The following ZFYVE28 variants were observed in gnomAD, a reference collection of about 807,000 sequenced individuals.
ZFYVE28 encodes the protein lateral signaling target protein 2 homolog.
In ZFYVE28, 40 loss-of-function variants were observed where a neutral mutation model predicts 82.1. The observed-to-expected ratio is 0.49, with a 90% confidence interval of 0.38 to 0.63. ZFYVE28 has a LOEUF of 0.63. Among genes scored for constraint, ZFYVE28 ranks in the 30% least tolerant of loss-of-function variants. The pLI is 0.00. For missense variants in ZFYVE28, 1,321 were observed against 1,242.1 expected (o/e 1.06, Z -0.96); for synonymous variants, 612 against 546.1 (o/e 1.12, Z -1.68).
At chr4:2,330,797 G>T in intron 6 of ZFYVE28, 2 of 1,529,158 alleles carry the variant, frequency 1.3e-6, no homozygotes, top group South Asian at 2.4e-5. Context: ...AGGGGACCCT[G>T]AGCGAAGGGG....
intron 7 of ZFYVE28, among the ~76,000 whole-genome samples, chr4:2,317,923 G>A (rs1413553240): frequency 4.6e-5 from 7 of 152,170 alleles, no homozygotes; most frequent in Non-Finnish European, 7.3e-5. Context: ...ATGAGCCACC[G>A]CGCCGGCCTC....
rs548233720 is a variant in ZFYVE28 at position 2,271,426 on chromosome 4, A to G, written c.2429-12T>C. The G allele has an allele frequency of 8.7e-6, 14 of 1,611,452 alleles. No individual in the cohort carries two copies. In the South Asian group the frequency reaches 1.4e-4, roughly 16 times the overall value. ...CCACTCCGGGGGGTCTGTCACAACA[A>G]CAGCAGCGTCACATCAGCGACGGCA... On this transcript the variant is annotated splice_polypyrimidine_tract_variant and intron_variant, in intron 11 of 12. Coordinates refer to ENST00000290974, the MANE Select transcript of ZFYVE28 (RefSeq NM_020972.3).
intron 1 of ZFYVE28, among the ~76,000 whole-genome samples, chr4:2,399,470 A>G (rs900920958): frequency 6.6e-6 from 1 of 152,176 alleles, no homozygotes; most frequent in Non-Finnish European, 1.5e-5. Flanking sequence ...CATGTCCCCA[A>G]GCCAGCTATA....
chr4:2,373,759 T>G (rs539201933), intron 1 of ZFYVE28, among the ~76,000 whole-genome samples: 1 of 152,328 alleles, frequency 6.6e-6, no homozygotes, highest in African/African-American at 2.4e-5. Context: ...CAGCTCATTC[T>G]AAAAGCTAGA....
Position 2,320,977 on chromosome 4 carries a change from C to G in ZFYVE28, c.702-706G>C, listed in dbSNP as rs551225532. Among the ~76,000 whole-genome samples the G allele has an allele frequency of 6.6e-6, 1 of 152,172 alleles. No homozygotes were observed. Among genetic ancestry groups the G allele is most frequent in the Non-Finnish European group, 1.5e-5 (1 of 68,030 alleles). ...CACCTCCAGTGGCACCCACTCCTCTCCACGCACCGTCCAGCCCTGCCAAGC... is the reference window on the plus strand; with the variant it reads ...CACCTCCAGTGGCACCCACTCCTCTGCACGCACCGTCCAGCCCTGCCAAGC... On this transcript the variant is annotated intron_variant, in intron 6 of 12. Coordinates refer to ENST00000290974, the MANE Select transcript of ZFYVE28 (RefSeq NM_020972.3). The surrounding 1 kb of genome is among the most constrained non-coding windows in gnomAD (Gnocchi z 5.1).
At chr4:2,301,483 A>C (rs922100523) in intron 8 of ZFYVE28, among the ~76,000 whole-genome samples, 1 of 149,804 alleles carries the variant, frequency 6.7e-6, no homozygotes, top group South Asian at 2.1e-4. Flanking sequence ...TGACACCACC[A>C]CCTGGGCTCC....
chr4:2,399,845 T>A (rs1179531637), intron 1 of ZFYVE28, among the ~76,000 whole-genome samples: 1 of 152,236 alleles, frequency 6.6e-6, no homozygotes, highest in Non-Finnish European at 1.5e-5. Flanking sequence ...ACCAGTCACG[T>A]GGGCCACATG....
In ZFYVE28 at chr4:2,305,432, G is replaced by C. The variant is rs746943951; in HGVS notation, c.908C>G (p.Pro303Arg). Residue 303 changes from proline (P) to arginine (R), a missense_variant, in exon 8 of 13, where the codon CCC becomes CGC. By Grantham distance (103) the Pro-to-Arg change is moderately radical. Around this residue, in one of 2 missense-constraint regions of ZFYVE28, gnomAD observed 978 missense variants for 833.7 expected, o/e 1.17. Transcript: ENST00000290974. ...EFPIRADVQG[P>R]AALAPALSAP... The stretch of plus-strand genomic sequence containing the variant: ...AGAGAGGGCAGGCGCCAGGGCAGCG[G>C]GTCCCTGCACGTCTGCGCGGATGGG... 1 of 1,612,892 alleles carries C rather than the reference G, an allele frequency of 6.2e-7. No individual in the cohort carries two copies. The highest frequency in any genetic ancestry group is 1.1e-5 in the South Asian group (1 of 91,082).
At chr4:2,296,477 A>T (rs1183012561) in intron 8 of ZFYVE28, among the ~76,000 whole-genome samples, 1 of 152,114 alleles carries the variant, frequency 6.6e-6, no homozygotes, top group Non-Finnish European at 1.5e-5. Flanking sequence ...CATTACACCT[A>T]ATCTGTTTTT....
At chr4:2,308,653 G>GAA (rs1347251611) in intron 7 of ZFYVE28, among the ~76,000 whole-genome samples, 1 of 101,588 alleles carries the variant, frequency 9.8e-6, no homozygotes, top group Non-Finnish European at 2.0e-5. Flanking sequence ...AAGAAAGAAA[G>GAA]AAAGAAAGAA....
rs1027020086 is a variant in ZFYVE28, at chr4:2,300,096, C to T, written c.2051+4193G>A. Reference sequence around the variant, plus strand: ...ACAAGCATAAGCCACCAGACCCAGACTTTCCTTCTTATGTTTTCCAAAGTT... The same window carrying T: ...ACAAGCATAAGCCACCAGACCCAGATTTTCCTTCTTATGTTTTCCAAAGTT... On this transcript the variant is annotated intron_variant, in intron 8 of 12. Transcript: ENST00000290974. This position sits in a 1 kb window ranked among gnomAD's most constrained non-coding sequence, Gnocchi z 4.6. 6.6e-6 allele frequency among the ~76,000 whole-genome samples: 1 copy of T among 152,238 alleles called. No individual in the cohort carries two copies. The highest frequency in any genetic ancestry group is 2.4e-5 in the African/African-American group (1 of 41,460).
intron 11 of ZFYVE28, 89 bp from the exon 12 acceptor site, chr4:2,271,503 C>T (rs1479652764): frequency 1.3e-6 from 2 of 1,489,634 alleles, no homozygotes; most frequent in African/African-American, 1.4e-5. Flanking sequence ...CCCTCCTTTC[C>T]AGACTGCCAA....
At chr4:2,353,881 C>T in intron 2 of ZFYVE28, 52 bp downstream of exon 2, 1 of 1,405,686 alleles carries the variant, frequency 7.1e-7, no homozygotes, top group South Asian at 1.6e-5. Context: ...GGACAGGCCA[C>T]TCTGTCCAAT....
chr4:2,289,052 G>C (rs958261618), intron 8 of ZFYVE28, among the ~76,000 whole-genome samples: 3 of 152,220 alleles, frequency 2.0e-5, no homozygotes, highest in East Asian at 3.8e-4. Flanking sequence ...GGGAGGCCAA[G>C]GTGGGAGATC....
rs1444403876 is a variant in ZFYVE28 at position 2,354,018 on chromosome 4, T to A, written c.95A>T (p.Gln32Leu). Residue 32 changes from glutamine to leucine, a missense_variant, in exon 2 of 13, where the codon CAG becomes CTG. Gln to Leu is a moderately radical substitution (Grantham distance 113, BLOSUM62 -2). Coordinates refer to ENST00000290974, the MANE Select transcript of ZFYVE28 (RefSeq NM_020972.3). ...CAGGCTGTCCAGCTCCGCGGCCACCTGGTTCAGCTCCTCGTCGGCATAGTA... is the reference window on the plus strand; with the variant it reads ...CAGGCTGTCCAGCTCCGCGGCCACCAGGTTCAGCTCCTCGTCGGCATAGTA... ...RFYYADEELN[Q>L]VAAELDSLDG... is the part of the protein sequence containing the mutation. 6.3e-7 allele frequency: 1 copy of A among 1,577,770 alleles called. No homozygotes were observed. The highest frequency in any genetic ancestry group is 8.6e-7 in the Non-Finnish European group (1 of 1,162,028).
Position 2,306,272 on chromosome 4 carries a change from G to A in ZFYVE28, c.804-736C>T, listed in dbSNP as rs988042366. ...GCTGCTCTCTGCTGCGAGAAGCTCC[G>A]GGTGTGTCTGTGGTCTGAGTCCCAC... is the stretch of plus-strand genomic sequence containing the variant. On this transcript the variant is annotated intron_variant, in intron 7 of 12. Transcript: ENST00000290974. Among the ~76,000 whole-genome samples the A allele has an allele frequency of 3.9e-5, 6 of 152,364 alleles. No individual in the cohort carries two copies. The South Asian group carries it at 6.2e-4, about 16-fold the overall frequency.
chr4:2,399,083 A>AGGTGAGATCCAGGGCCCAAGCGTGG (rs1297197658), intron 1 of ZFYVE28, among the ~76,000 whole-genome samples: 1 of 117,502 alleles, frequency 8.5e-6, no homozygotes. Flanking sequence ...CACAAGCGTG[A>AGGTGAGATCCAGGGCCCAAGCGTGG]AGGTGAGATC....
intron 8 of ZFYVE28, among the ~76,000 whole-genome samples, chr4:2,292,727 C>A (rs1713922918): frequency 6.6e-6 from 1 of 152,026 alleles, no homozygotes; most frequent in African/African-American, 2.4e-5. Context: ...GTCTGTCTCA[C>A]ATTTCAAGCA....
chr4:2,279,230 G>A (rs948224963), intron 8 of ZFYVE28, among the ~76,000 whole-genome samples: 2 of 152,170 alleles, frequency 1.3e-5, no homozygotes, highest in Admixed American at 6.5e-5. Context: ...TCAGGAGCTC[G>A]AGACCAGCCT....
Sources: allele counts gnomAD v4.1 joint callset (sites outside exome capture counted in the v4.1 genomes callset), GRCh38; gene constraint gnomAD v4.1.1; regional missense constraint gnomAD v4.1.1; non-coding constraint Gnocchi (gnomAD v3.1); transcripts MANE v1.5; gene names NCBI Gene and HGNC (gene_info 2026-07-23, HGNC 2026-07-21).